MYCBP2: variants seen among roughly 807,000 people sequenced by gnomAD.
The protein encoded by MYCBP2 is MYC binding protein 2.
Under a neutral mutation model 525.3 loss-of-function variants are expected in MYCBP2, and 120 were observed. That is an observed-to-expected ratio of 0.23 (90% CI 0.20 to 0.27). The LOEUF is 0.27. Ranked by LOEUF, MYCBP2 falls within the 10% of genes least tolerant of loss-of-function variation. The probability of loss-of-function intolerance (pLI) is 1.00; values close to 1 mark genes in which losing one functional copy is unlikely to be tolerated. For synonymous variants in MYCBP2, 1,894 were observed against 1,955.8 expected (o/e 0.97, Z 0.83); for missense variants, 4,149 against 5,657.1 (o/e 0.73, Z 8.55).
rs921737857 is a variant in MYCBP2 at position 77,243,176 on chromosome 13, A to G, written c.2528-16T>C. The G allele has an allele frequency of 6.5e-7, 1 of 1,547,706 alleles. No homozygotes were observed. The highest frequency in any genetic ancestry group is 8.9e-7 in the Non-Finnish European group (1 of 1,119,436). On this transcript the variant is annotated splice_polypyrimidine_tract_variant and intron_variant, in intron 16 of 82. Coordinates refer to ENST00000544440, the MANE Select transcript of MYCBP2 (RefSeq NM_015057.5). ...ACTGGGACAGCTAGATGATTGGCCAAAAACAACAACAACAACAACATATAT... is the reference window on the plus strand; with the variant it reads ...ACTGGGACAGCTAGATGATTGGCCAGAAACAACAACAACAACAACATATAT...
intron 61 of MYCBP2, among the ~76,000 whole-genome samples, chr13:77,088,401 T>TA (rs1251720552): frequency 1.3e-5 from 2 of 152,140 alleles, no homozygotes; most frequent in Non-Finnish European, 2.9e-5. Context: ...ACAGATTTAC[T>TA]ATATATAGGC....
chr13:77,200,023 C>T (rs548755601), intron 26 of MYCBP2, among the ~76,000 whole-genome samples: 6 of 152,248 alleles, frequency 3.9e-5, no homozygotes, highest in South Asian at 4.1e-4. Flanking sequence ...TCACCAGCAA[C>T]GGAACAAAGC....
rs200480392 is a variant in MYCBP2 at position 77,095,622 on chromosome 13, A to G, written c.9955-20T>C. The G allele has an allele frequency of 2.6e-3, 4,131 of 1,605,944 alleles. 13 individuals carry two copies. Among genetic ancestry groups the G allele is most frequent in the Non-Finnish European group, 3.2e-3 (3,766 of 1,174,526 alleles). On this transcript the variant is annotated intron_variant, in intron 57 of 82. Transcript: ENST00000544440. ...TTTGACCTGGCGAAGAAAAAAATCA[A>G]ACTAATCTTTTCTGACTTACATTAA...
At chr13:77,290,442 G>A (rs2077351646) in intron 2 of MYCBP2, among the ~76,000 whole-genome samples, 1 of 152,154 alleles carries the variant, frequency 6.6e-6, no homozygotes. Context: ...TTTTAAAATA[G>A]TCAAAAGCTA....
In MYCBP2 at chr13:77,270,212, A is replaced by T. The variant is rs2074685183; in HGVS notation, c.1188+84T>A. The T allele has an allele frequency of 2.7e-6, 4 of 1,484,044 alleles. No homozygotes were observed. The South Asian group carries it at 5.5e-5, about 20-fold the overall frequency. The allele number at this position is 1,484,044 out of a possible 1,614,324, so 91.9% of individuals were successfully genotyped here. A position where few individuals can be genotyped will look rare whatever the true frequency, so the allele number is the denominator to read the frequency against. ...TTACACTAAAATTAGATCATATTCT[A>T]GAAATGAAACTAGAAACACACAGAA... On this transcript the variant is annotated intron_variant, in intron 6 of 82. Transcript: ENST00000544440.
chr13:77,199,479 T>C (rs1593780831), intron 26 of MYCBP2, among the ~76,000 whole-genome samples: 1 of 152,250 alleles, frequency 6.6e-6, no homozygotes, highest in African/African-American at 2.4e-5. Flanking sequence ...GCGCCCGCCA[T>C]TGCCCAGGCT....
At chr13:77,152,921 C>T (rs1269014665) in intron 46 of MYCBP2, among the ~76,000 whole-genome samples, 1 of 151,912 alleles carries the variant, frequency 6.6e-6, no homozygotes, top group African/African-American at 2.4e-5. Context: ...AAAAATTAGC[C>T]AGGCGTGGTG....
chr13:77,240,186 T>C (rs977600442), intron 17 of MYCBP2, among the ~76,000 whole-genome samples: 1 of 152,200 alleles, frequency 6.6e-6, no homozygotes, highest in South Asian at 2.1e-4. Context: ...AAGTGTCATA[T>C]CAGAATAGAT....
At chr13:77,263,321 A>C (rs530239621) in intron 10 of MYCBP2, among the ~76,000 whole-genome samples, 1 of 152,134 alleles carries the variant, frequency 6.6e-6, no homozygotes, top group South Asian at 2.1e-4. Context: ...AAATAGTTGA[A>C]AAATGATGCA....
chr13:77,242,418 A>G (rs758483310), intron 17 of MYCBP2, among the ~76,000 whole-genome samples: 14 of 152,000 alleles, frequency 9.2e-5, no homozygotes, highest in African/African-American at 1.7e-4. Flanking sequence ...CTGGCCAGTT[A>G]AATGTATTTT....
intron 46 of MYCBP2, among the ~76,000 whole-genome samples, chr13:77,152,409 T>A (rs1022946046): frequency 6.6e-6 from 1 of 151,494 alleles, no homozygotes; most frequent in Non-Finnish European, 1.5e-5. Context: ...CAGACAGGAG[T>A]CAGGGATATA....
Position 77,185,222 on chromosome 13 carries a change from G to T in MYCBP2, c.4600C>A (p.Leu1534Ile). 4 of 1,614,120 alleles carry T rather than the reference G, an allele frequency of 2.5e-6. No individual in the cohort carries two copies. The highest frequency in any genetic ancestry group is 3.4e-6 in the Non-Finnish European group (4 of 1,179,998). The stretch of plus-strand genomic sequence containing the variant: ...CATTCCTGAAGGACAGCTTCTAGAA[G>T]ACTCAAGGGTTGACTGAGATATCCT... ...PQGYLSQPLS[L>I]LEAVLQECHN... Residue 1534 changes from leucine to isoleucine, a missense_variant, in exon 32 of 83, where the codon CTT becomes ATT. By Grantham distance (5) the Leu-to-Ile change is conservative (BLOSUM62 2). Around this residue, in one of 21 missense-constraint regions of MYCBP2, gnomAD observed 292 missense variants for 330.5 expected, o/e 0.88. Transcript: ENST00000544440.
chr13:77,230,886 T>C (rs73545869), intron 18 of MYCBP2, among the ~76,000 whole-genome samples: 3,419 of 152,298 alleles, frequency 0.022, 127 homozygotes, highest in African/African-American at 0.078. Context: ...GGGCTTCATG[T>C]TGGTGCTCAA....
intron 32 of MYCBP2, among the ~76,000 whole-genome samples, chr13:77,184,048 T>A (rs991630996): frequency 6.6e-6 from 1 of 152,192 alleles, no homozygotes; most frequent in Non-Finnish European, 1.5e-5. Context: ...TTGGGTTAGA[T>A]TTGCTTTTCC....
chr13:77,289,744 TA>T (rs1017766926), intron 2 of MYCBP2, among the ~76,000 whole-genome samples: 30 of 152,008 alleles, frequency 2.0e-4, no homozygotes, highest in Non-Finnish European at 4.1e-4. Flanking sequence ...AAGTATTTTC[TA>T]AAAAAGAAAT....
chr13:77,257,342 G>A (rs564560990), intron 14 of MYCBP2, among the ~76,000 whole-genome samples: 68 of 152,142 alleles, frequency 4.5e-4, no homozygotes, highest in African/African-American at 1.5e-3. Context: ...GGTGGCTACA[G>A]TTGGCGATAA....
At chr13:77,207,093 G>C (rs2063436310) in intron 23 of MYCBP2, among the ~76,000 whole-genome samples, 1 of 151,996 alleles carries the variant, frequency 6.6e-6, no homozygotes, top group Admixed American at 6.6e-5. Context: ...ATAAAGTTTT[G>C]ATACATACAT....
intron 40 of MYCBP2, among the ~76,000 whole-genome samples, chr13:77,166,890 T>C (rs1213987497): frequency 1.3e-5 from 2 of 151,856 alleles, no homozygotes; most frequent in East Asian, 1.9e-4. Context: ...TGCATAATCA[T>C]GCAGAGGGAG....
intron 26 of MYCBP2, among the ~76,000 whole-genome samples, chr13:77,201,935 G>A (rs1244350640): frequency 3.9e-5 from 6 of 152,120 alleles, no homozygotes; most frequent in South Asian, 2.1e-4. Flanking sequence ...CCCACAAGAG[G>A]AAGCAGGAAA....
Sources: gnomAD v4.1 joint callset for allele counts (sites outside exome capture counted in the v4.1 genomes callset) on GRCh38, gnomAD v4.1.1 for gene constraint, gnomAD v4.1.1 regional missense constraint, MANE v1.5 for transcripts, NCBI Gene and HGNC (gene_info 2026-07-23, HGNC 2026-07-21) for gene names.